The following PAFAH1B1 variants were observed in gnomAD, a reference collection of about 807,000 sequenced individuals.
The protein encoded by PAFAH1B1 is platelet-activating factor acetylhydrolase IB subunit beta.
In PAFAH1B1, 2 loss-of-function variants were observed where a neutral mutation model predicts 57.5. That is an observed-to-expected ratio of 0.03 (90% CI 0.01 to 0.11). The LOEUF is 0.11. PAFAH1B1 is among the 10% of genes least tolerant of loss of function. PAFAH1B1 has a pLI of 1.00. For missense variants in PAFAH1B1, 257 were observed against 512.0 expected, an observed-to-expected ratio of 0.50 and a Z score of 4.81; for synonymous variants, 152 against 169.6, an observed-to-expected ratio of 0.90 and a Z score of 0.81.
chr17:2,604,272 A>C (rs1597509912), intron 1 of PAFAH1B1, among the ~76,000 whole-genome samples: 1 of 148,248 alleles, frequency 6.7e-6, no homozygotes, highest in East Asian at 2.0e-4. Flanking sequence ...CCCTCACCTC[A>C]AGTGATCCCC....
At chr17:2,605,329 T>G (rs1332202604) in intron 1 of PAFAH1B1, among the ~76,000 whole-genome samples, 1 of 152,170 alleles carries the variant, frequency 6.6e-6, no homozygotes. Flanking sequence ...AGGAGTTGTA[T>G]AGAATATTAC....
rs532704080 is a variant in PAFAH1B1 at position 2,634,065 on chromosome 17, C to T, written c.-190-4034C>T. The stretch of plus-strand genomic sequence containing the variant: ...TCACAGGCATCTTAGAATCAACATA[C>T]GTAAAATGGAGTTAATCATACTTTC... On this transcript the variant is annotated intron_variant, in intron 1 of 10. Coordinates refer to ENST00000397195, the MANE Select transcript of PAFAH1B1 (RefSeq NM_000430.4). Among the ~76,000 whole-genome samples the T allele has an allele frequency of 8.1e-5, 12 of 148,378 alleles. No individual in the cohort carries two copies. In the South Asian group the frequency reaches 1.7e-3, roughly 21 times the overall value.
At chr17:2,663,984 C>T (rs1341787952) in intron 2 of PAFAH1B1, among the ~76,000 whole-genome samples, 1 of 151,992 alleles carries the variant, frequency 6.6e-6, no homozygotes, top group Non-Finnish European at 1.5e-5. Flanking sequence ...TGAGCCACCG[C>T]TCCCAGCCTC....
chr17:2,647,538 A>G (rs1054711569), intron 2 of PAFAH1B1, among the ~76,000 whole-genome samples: 63 of 152,254 alleles, frequency 4.1e-4, no homozygotes, highest in African/African-American at 1.3e-3. Flanking sequence ...CCCTGTCTCA[A>G]AAAGGAAAAC....
intron 1 of PAFAH1B1, among the ~76,000 whole-genome samples, chr17:2,603,561 C>G (rs879462752): frequency 4.6e-5 from 7 of 151,750 alleles, no homozygotes; most frequent in Non-Finnish European, 1.0e-4. Context: ...GCAGAAGTTG[C>G]AGTGAGTTGA....
At chr17:2,625,881 T>G (rs1296849908) in intron 1 of PAFAH1B1, among the ~76,000 whole-genome samples, 1 of 152,112 alleles carries the variant, frequency 6.6e-6, no homozygotes, top group Non-Finnish European at 1.5e-5. Context: ...GAGGCTGCAG[T>G]GAGCTATGAT....
chr17:2,617,331 G>A (rs2068357495), intron 1 of PAFAH1B1, among the ~76,000 whole-genome samples: 1 of 152,092 alleles, frequency 6.6e-6, no homozygotes, highest in Non-Finnish European at 1.5e-5. Context: ...CGTAAAATAG[G>A]AAACATTTTC....
At chr17:2,642,242 G>C (rs2068705198) in intron 2 of PAFAH1B1, 1 of 152,132 alleles carries the variant, frequency 6.6e-6, no homozygotes, top group Non-Finnish European at 1.5e-5. Context: ...CTGTAATATA[G>C]GATGAGCAGC....
intron 1 of PAFAH1B1, among the ~76,000 whole-genome samples, chr17:2,598,099 A>G (rs370823974): frequency 1.3e-5 from 2 of 152,162 alleles, no homozygotes; most frequent in African/African-American, 4.8e-5. Flanking sequence ...ATACAAAAAA[A>G]TTAGCCGGGC....
At chr17:2,678,967 C>T (rs1306620106) in intron 9 of PAFAH1B1, among the ~76,000 whole-genome samples, 7 of 152,168 alleles carry the variant, frequency 4.6e-5, no homozygotes, top group African/African-American at 1.4e-4. Flanking sequence ...AGCTATTATA[C>T]TCTTGAAATG....
chr17:2,611,841 A>G (rs1465560376), intron 1 of PAFAH1B1, among the ~76,000 whole-genome samples: 1 of 152,194 alleles, frequency 6.6e-6, no homozygotes, highest in Non-Finnish European at 1.5e-5. Flanking sequence ...AGGGCAGATA[A>G]TTACAGTGTA....
At chr17:2,604,937 GA>G (rs2068188411) in intron 1 of PAFAH1B1, among the ~76,000 whole-genome samples, 1 of 152,192 alleles carries the variant, frequency 6.6e-6, no homozygotes, top group East Asian at 1.9e-4. Context: ...GGGGATTGTA[GA>G]ATTTGAGGTT....
intron 8 of PAFAH1B1, chr17:2,676,180 C>G (rs2069264335): frequency 3.0e-6 from 1 of 328,438 alleles, no homozygotes; most frequent in Non-Finnish European, 5.9e-6. Context: ...GAGTTCAAGA[C>G]CAGCCTGCCC....
chr17:2,625,500 A>G (rs781483900), intron 1 of PAFAH1B1, among the ~76,000 whole-genome samples: 4 of 152,244 alleles, frequency 2.6e-5, no homozygotes, highest in Non-Finnish European at 5.9e-5. Context: ...TAACCTCAAA[A>G]AAGGTTAAGA....
intron 4 of PAFAH1B1, among the ~76,000 whole-genome samples, chr17:2,666,677 C>T (rs1357060265): frequency 1.3e-5 from 2 of 151,994 alleles, no homozygotes; most frequent in Admixed American, 1.3e-4. Flanking sequence ...TTAGAGGGAC[C>T]AAGACAAATT....
intron 1 of PAFAH1B1, among the ~76,000 whole-genome samples, chr17:2,601,597 A>T (rs2068144433): frequency 6.6e-6 from 1 of 152,154 alleles, no homozygotes; most frequent in African/African-American, 2.4e-5. Context: ...GCCTGCCGGC[A>T]TACCTGGCTC....
In PAFAH1B1 at chr17:2,606,810, C is replaced by CTTTTTTTTTTTTT. The variant is rs770011553; in HGVS notation, c.-191+12819_-191+12831dup. On this transcript the variant is annotated intron_variant, in intron 1 of 10. Transcript: ENST00000397195. ...ACATTTTGTCATATTTGCCTCAGAG[C>CTTTTTTTTTTTTT]TTTTTTTTTTTTTTTTTTTTTTTTT... Among the ~76,000 whole-genome samples, 6 of 101,714 alleles carry CTTTTTTTTTTTTT rather than the reference C, an allele frequency of 5.9e-5. 2 individuals carry two copies. The highest frequency in any genetic ancestry group is 1.6e-4 in the African/African-American group (4 of 25,374). The allele number at this position is 101,714 out of a possible 152,430, so 66.7% of individuals were successfully genotyped here. A position where few individuals can be genotyped will look rare whatever the true frequency, so the allele number is the denominator to read the frequency against.
chr17:2,598,613 T>TA (rs1462831854), intron 1 of PAFAH1B1, among the ~76,000 whole-genome samples: 8 of 151,864 alleles, frequency 5.3e-5, no homozygotes, highest in South Asian at 4.2e-4. Context: ...TTTTTTTTTT[T>TA]ACTTAGAAAG....
chr17:2,679,373 GATGAATGA>G (rs2069328396), intron 9 of PAFAH1B1, among the ~76,000 whole-genome samples: 1 of 7,544 alleles, frequency 1.3e-4, no homozygotes, highest in African/African-American at 1.7e-4. Context: ...TGATTAGATG[GATGAATGA>G]TTGGATGGAT....
Sources: allele counts gnomAD v4.1 joint callset (sites outside exome capture counted in the v4.1 genomes callset), GRCh38; gene constraint gnomAD v4.1.1; transcripts MANE v1.5; gene names NCBI Gene and HGNC (gene_info 2026-07-23, HGNC 2026-07-21).